GRB14: variants seen among roughly 807,000 people sequenced by gnomAD.
GRB14 encodes growth factor receptor bound protein 14, also known as growth factor receptor-bound protein 14.
In GRB14, 38 loss-of-function variants were observed where a neutral mutation model predicts 69.1. That is an observed-to-expected ratio of 0.55 (90% CI 0.42 to 0.72). The LOEUF is 0.72. Among genes scored for constraint, GRB14 ranks in the 30% least tolerant of loss-of-function variants. The pLI, the probability that GRB14 is intolerant of heterozygous loss-of-function variation, is 0.00. For synonymous variants in GRB14, 247 were observed against 241.3 expected, an observed-to-expected ratio of 1.02 and a Z score of -0.22; for missense variants, 666 against 666.1, an observed-to-expected ratio of 1.00 and a Z score of 0.00.
Position 164,509,916 on chromosome 2 carries a change from T to C in GRB14, c.817-1064A>G, listed in dbSNP as rs116080610. Among the ~76,000 whole-genome samples, 457 of 152,094 alleles carry C rather than the reference T, an allele frequency of 3.0e-3. 1 individual carries two copies. Among genetic ancestry groups the C allele is most frequent in the African/African-American group, 1.0e-2 (414 of 41,492 alleles). On this transcript the variant is annotated intron_variant, in intron 6 of 13. Transcript: ENST00000263915. ...TTTACCGGTGTTATTCCACCTCTGA[T>C]AACTGGCAGAACAAGAGTTTCTCTG...
In GRB14 at chr2:164,618,617, C is replaced by A. The variant is rs183799539; in HGVS notation, c.324+1070G>T. On this transcript the variant is annotated intron_variant, in intron 2 of 13. Coordinates refer to ENST00000263915, the MANE Select transcript of GRB14 (RefSeq NM_004490.3). ...CCAAGTGACTTCAAGCCCCTCCCCC[C>A]AAAAATATATACACAGGGCTTCCAT... 7.9e-5 allele frequency among the ~76,000 whole-genome samples: 12 copies of A among 152,210 alleles called. No individual in the cohort carries two copies. The East Asian group carries it at 1.7e-3, about 22-fold the overall frequency.
intron 2 of GRB14, among the ~76,000 whole-genome samples, chr2:164,597,626 G>T (rs1206757652): frequency 1.3e-5 from 2 of 151,886 alleles, no homozygotes; most frequent in Non-Finnish European, 2.9e-5. Flanking sequence ...TAAGACAATG[G>T]GTAGAGAAGA....
chr2:164,552,415 T>C (rs1193833497), intron 2 of GRB14, among the ~76,000 whole-genome samples: 1 of 152,194 alleles, frequency 6.6e-6, no homozygotes, highest in Admixed American at 6.5e-5. Flanking sequence ...GTACTCTATA[T>C]AATGGCAAAT....
intron 2 of GRB14, among the ~76,000 whole-genome samples, chr2:164,595,111 G>A (rs1432569949): frequency 2.0e-5 from 3 of 152,168 alleles, no homozygotes; most frequent in African/African-American, 7.2e-5. Context: ...ATAAATCAAA[G>A]GAAGAATAAA....
At chr2:164,565,344 T>C (rs1201060409) in intron 2 of GRB14, among the ~76,000 whole-genome samples, 1 of 152,112 alleles carries the variant, frequency 6.6e-6, no homozygotes, top group Non-Finnish European at 1.5e-5. Flanking sequence ...ATGTTTTCTA[T>C]GCTAGAGCAT....
At chr2:164,499,750 T>C (rs1374102186) in intron 9 of GRB14, among the ~76,000 whole-genome samples, 1 of 152,038 alleles carries the variant, frequency 6.6e-6, no homozygotes, top group Non-Finnish European at 1.5e-5. Context: ...CATAAAATGG[T>C]TTTTCAGGAA....
rs77931767 is a variant in GRB14 at position 164,555,549 on chromosome 2, T to C, written c.325-7733A>G. Among the ~76,000 whole-genome samples, 19 of 152,038 alleles carry C rather than the reference T, an allele frequency of 1.2e-4. No individual in the cohort carries two copies. The East Asian group carries it at 3.7e-3, about 29-fold the overall frequency. On this transcript the variant is annotated intron_variant, in intron 2 of 13. Coordinates refer to ENST00000263915, the MANE Select transcript of GRB14 (RefSeq NM_004490.3). ...TTATCTTCTGTGTCAAAGTTTCTAT[T>C]TTAGGAAATTTTAAATTCAATAGTT...
At chr2:164,496,738 A>G (rs891797812) in intron 12 of GRB14, among the ~76,000 whole-genome samples, 1 of 152,220 alleles carries the variant, frequency 6.6e-6, no homozygotes, top group Non-Finnish European at 1.5e-5. Flanking sequence ...GAATCAGGAC[A>G]TAATGGGTAA....
At chr2:164,526,165 T>C (rs1687769095) in intron 4 of GRB14, among the ~76,000 whole-genome samples, 1 of 152,114 alleles carries the variant, frequency 6.6e-6, no homozygotes, top group Non-Finnish European at 1.5e-5. Context: ...TTTCTATTAA[T>C]AGGTTAAGAT....
rs150619313 is a variant in GRB14, at chr2:164,497,267, C to T, written c.1238G>A (p.Arg413His). 1.4e-4 allele frequency: 225 copies of T among 1,613,056 alleles called. No individual in the cohort carries two copies. The highest frequency in any genetic ancestry group is 6.2e-4 in the Admixed American group (37 of 59,814). Residue 413 changes from arginine (R) to histidine (H), a missense_variant, in exon 11 of 14, where the codon CGC becomes CAC. Arg to His is a conservative substitution (Grantham distance 29). Coordinates refer to ENST00000263915, the MANE Select transcript of GRB14 (RefSeq NM_004490.3). ...AGTGGGGCTACCGTGAGTGCCCAGG[C>T]GTAAACATCCTTTTTTCTGAGCAAG... is the stretch of plus-strand genomic sequence containing the variant. ...GLAWRKKGCL[R>H]LGTHGSPTAS...
chr2:164,577,846 AC>A (rs1689289706), intron 2 of GRB14, among the ~76,000 whole-genome samples: 1 of 152,232 alleles, frequency 6.6e-6, no homozygotes, highest in African/African-American at 2.4e-5. Flanking sequence ...TTTTTACCTA[AC>A]ACCATACTCT....
In GRB14 at chr2:164,497,001, A is replaced by G; in HGVS notation, c.1382+7T>C. On this transcript the variant is annotated splice_region_variant and intron_variant, in intron 12 of 13. Transcript: ENST00000263915. ...CAAGTACTCAAAATTAAAAATACCA[A>G]ACTTACCCATCCACAAGTCCTTGCT... is the stretch of plus-strand genomic sequence containing the variant. 1.9e-6 allele frequency: 3 copies of G among 1,611,056 alleles called. No homozygotes were observed. Among genetic ancestry groups the G allele is most frequent in the Non-Finnish European group, 2.5e-6 (3 of 1,177,330 alleles).
intron 2 of GRB14, among the ~76,000 whole-genome samples, chr2:164,579,328 G>A (rs572239252): frequency 9.5e-4 from 144 of 152,074 alleles, no homozygotes; most frequent in Non-Finnish European, 9.6e-4. Flanking sequence ...AAATAAATTT[G>A]AGCTATATAT....
intron 2 of GRB14, among the ~76,000 whole-genome samples, chr2:164,574,892 T>C (rs939912067): frequency 6.6e-6 from 1 of 150,974 alleles, no homozygotes; most frequent in African/African-American, 2.4e-5. Context: ...TGCACTCCAC[T>C]GAACTCCAGC....
intron 3 of GRB14, among the ~76,000 whole-genome samples, chr2:164,546,870 C>T (rs1306791678): frequency 2.6e-5 from 4 of 152,186 alleles, no homozygotes; most frequent in Non-Finnish European, 5.9e-5. Flanking sequence ...AGCAGCACCA[C>T]ACGATAGGAG....
At position 164,619,728 on chromosome 2, in the gene GRB14, A is replaced by T; in HGVS notation, c.283T>A (p.Ser95Thr). 1 of 1,597,658 alleles carries T rather than the reference A, an allele frequency of 6.3e-7. No homozygotes were observed. Among genetic ancestry groups the T allele is most frequent in the Non-Finnish European group, 8.5e-7 (1 of 1,175,074 alleles). The change falls in exon 2 of 14, where the codon TCA becomes ACA. Residue 95 changes from serine to threonine, a missense_variant. By Grantham distance (58) the Ser-to-Thr change is moderately conservative. Coordinates refer to ENST00000263915, the MANE Select transcript of GRB14 (RefSeq NM_004490.3). The part of the protein sequence containing the change: ...LCCSPFTSVL[S>T]ADLFPKANSR... ...TTTGCTTTGGGAAATAGGTCTGCTG[A>T]CAACACAGATGTAAATGGAGAACAG...
intron 3 of GRB14, among the ~76,000 whole-genome samples, chr2:164,540,452 T>C (rs1688202219): frequency 6.6e-6 from 1 of 151,868 alleles, no homozygotes; most frequent in Non-Finnish European, 1.5e-5. Context: ...CTACTAAAAA[T>C]ACAAAAATTA....
chr2:164,574,584 G>A (rs868545407), intron 2 of GRB14, among the ~76,000 whole-genome samples: 36 of 151,904 alleles, frequency 2.4e-4, no homozygotes, highest in South Asian at 6.2e-4. Context: ...AATGAAATCC[G>A]CACAGAAGAA....
chr2:164,573,381 T>C (rs1436038727), intron 2 of GRB14, among the ~76,000 whole-genome samples: 2 of 152,216 alleles, frequency 1.3e-5, no homozygotes, highest in African/African-American at 4.8e-5. Context: ...GATTTTTTTC[T>C]GAACAAAAGC....
Sources: allele counts gnomAD v4.1 joint callset (sites outside exome capture counted in the v4.1 genomes callset), GRCh38; gene constraint gnomAD v4.1.1; transcripts MANE v1.5; gene names NCBI Gene and HGNC (gene_info 2026-07-23, HGNC 2026-07-21).